Variants in RNF187 observed in about 807,000 individuals in gnomAD.
RNF187 encodes E3 ubiquitin-protein ligase RNF187.
RNF187 carries 18 observed loss-of-function variants against 22.2 expected under a neutral mutation model. The ratio of observed to expected loss-of-function variants is 0.81; its 90% CI spans 0.56 to 1.20. The LOEUF is 1.20. Among genes scored for constraint, RNF187 ranks in the 50% most tolerant of loss-of-function variants. The pLI, the probability that RNF187 is intolerant of heterozygous loss-of-function variation, is 0.00. For missense variants in RNF187, 329 were observed against 317.6 expected (o/e 1.04, Z -0.27); for synonymous variants, 164 against 140.9 (o/e 1.16, Z -1.16).
At chr1:228,489,385 A>G in intron 2 of RNF187, among the ~76,000 whole-genome samples, 1 of 151,866 alleles carries the variant, frequency 6.6e-6, no homozygotes, top group Non-Finnish European at 1.5e-5. Flanking sequence ...ATTGTAGCTC[A>G]CTGCAGCTCG....
chr1:228,493,771 C>T lies in RNF187; in HGVS notation c.706-112C>T. 2.3e-5 allele frequency: 26 copies of T among 1,151,694 alleles called. No individual in the cohort carries two copies. Among genetic ancestry groups the T allele is most frequent in the Middle Eastern group, 3.8e-4 (2 of 5,214 alleles). The allele number at this position is 1,151,694 out of a possible 1,614,324, so 71.3% of individuals were successfully genotyped here. A position where few individuals can be genotyped will look rare whatever the true frequency, so the allele number is the denominator to read the frequency against. The stretch of plus-strand genomic sequence containing the variant: ...GTTGTGCTCAGGACAGTACCTCATG[C>T]GCTGTCTCATGTGCGCTCTCTCTTT... On this transcript the variant is annotated intron_variant, in intron 3 of 3. Coordinates refer to ENST00000305943, the MANE Select transcript of RNF187 (RefSeq NM_001010858.3). This position sits in a 1 kb window ranked among gnomAD's most constrained non-coding sequence, Gnocchi z 4.7.
chr1:228,491,405 A>AAAT lies in RNF187; in HGVS notation c.484-1646_484-1645insTAA. Among the ~76,000 whole-genome samples, 959 of 150,076 alleles carry AAAT rather than the reference A, an allele frequency of 6.4e-3. 4 individuals are homozygous for AAAT. The highest frequency in any genetic ancestry group is 0.023 in the African/African-American group (918 of 40,550). ...CCTATCTCAAAAAAAAAAAAAAAAAAAAAATAAAGGGAGATGGGTTAATGG... is the reference window on the plus strand; with the variant it reads ...CCTATCTCAAAAAAAAAAAAAAAAAAAATAAAATAAAGGGAGATGGGTTAATGG... On this transcript the variant is annotated intron_variant, in intron 2 of 3. Transcript: ENST00000305943.
Position 228,493,546 on chromosome 1 carries a change from C to G in RNF187, c.705+272C>G. On this transcript the variant is annotated intron_variant, in intron 3 of 3. Coordinates refer to ENST00000305943, the MANE Select transcript of RNF187 (RefSeq NM_001010858.3). This position sits in a 1 kb window ranked among gnomAD's most constrained non-coding sequence, Gnocchi z 4.7. ...GTGCCCGAGCATGGAAGGCTCCTGC[C>G]TCGCCCTGGGGTCCTGAAGGCAGAA... is the stretch of plus-strand genomic sequence containing the variant. Among the ~76,000 whole-genome samples the G allele has an allele frequency of 6.6e-6, 1 of 152,344 alleles. No individual in the cohort carries two copies. Among genetic ancestry groups the G allele is most frequent in the East Asian group, 1.9e-4 (1 of 5,180 alleles).
Position 228,496,116 on chromosome 1 carries a change from A to C in RNF187, c.*2231A>C. Among the ~76,000 whole-genome samples, 1 of 152,174 alleles carries C rather than the reference A, an allele frequency of 6.6e-6. No homozygotes were observed. Among genetic ancestry groups the C allele is most frequent in the Non-Finnish European group, 1.5e-5 (1 of 68,028 alleles). Reference sequence around the variant, plus strand: ...GTACCCTCTGACTAGAATTTCCCCAAATCCTCTTGTCTCAGCCCCTGCTAA... The same window carrying C: ...GTACCCTCTGACTAGAATTTCCCCACATCCTCTTGTCTCAGCCCCTGCTAA... On this transcript the variant is annotated 3_prime_UTR_variant, in exon 4 of 4. Transcript: ENST00000305943.
In RNF187 at chr1:228,493,350, T is replaced by C; in HGVS notation, c.705+76T>C. The stretch of plus-strand genomic sequence containing the variant: ...GCAGCAGCGAGCCATTGGGGGACCA[T>C]TGCCCGAAGTCAAGGCTTAAAAGCC... On this transcript the variant is annotated intron_variant, in intron 3 of 3. Transcript: ENST00000305943. The surrounding 1 kb of genome is among the most constrained non-coding windows in gnomAD (Gnocchi z 4.7). 19 of 1,488,866 alleles carry C rather than the reference T, an allele frequency of 1.3e-5. No homozygotes were observed. Among genetic ancestry groups the C allele is most frequent in the Non-Finnish European group, 9.9e-6 (11 of 1,114,096 alleles). 92.2% of individuals were successfully genotyped at this position (1,488,866 alleles called of 1,614,324 possible). A position where few individuals can be genotyped will look rare whatever the true frequency, so the allele number is the denominator to read the frequency against.
In RNF187 at chr1:228,487,656, C is replaced by A. The variant is rs1198811841; in HGVS notation, c.168C>A (p.Cys56Ter). The A allele has an allele frequency of 4.3e-6, 5 of 1,154,936 alleles. No individual in the cohort carries two copies. Among genetic ancestry groups the A allele is most frequent in the Non-Finnish European group, 5.4e-6 (5 of 930,966 alleles). The allele number at this position is 1,154,936 out of a possible 1,614,324, so 71.5% of individuals were successfully genotyped here. A position where few individuals can be genotyped will look rare whatever the true frequency, so the allele number is the denominator to read the frequency against. ...CGTGCCCCGAGTGCGCCGACGACTG[C>A]TGGCAGCGCGCCGTGGAGCCCGGCA... Residue 56 changes from cysteine (C) to a stop codon, truncating the protein, a stop_gained, in exon 1 of 4, where the codon TGC becomes TGA. Coordinates refer to ENST00000305943, the MANE Select transcript of RNF187 (RefSeq NM_001010858.3). LOFTEE classifies it high-confidence loss of function.
chr1:228,494,933 G>A lies in RNF187; in HGVS notation c.*1048G>A. Reference sequence around the variant, plus strand: ...TGTGAGTTTGACCTGCCCAGCGTGTGGGCTGGCTCAATGCTGAATAAAGTG... The same window carrying A: ...TGTGAGTTTGACCTGCCCAGCGTGTAGGCTGGCTCAATGCTGAATAAAGTG... On this transcript the variant is annotated 3_prime_UTR_variant, in exon 4 of 4. Coordinates refer to ENST00000305943, the MANE Select transcript of RNF187 (RefSeq NM_001010858.3). 3.0e-6 allele frequency: 3 copies of A among 985,530 alleles called. No individual in the cohort carries two copies. The highest frequency in any genetic ancestry group is 3.6e-6 in the Non-Finnish European group (3 of 829,994). 61.0% of individuals were successfully genotyped at this position (985,530 alleles called of 1,614,324 possible). A position where few individuals can be genotyped will look rare whatever the true frequency, so the allele number is the denominator to read the frequency against.
At chr1:228,490,766 G>C in intron 2 of RNF187, among the ~76,000 whole-genome samples, 1 of 152,228 alleles carries the variant, frequency 6.6e-6, no homozygotes, top group Non-Finnish European at 1.5e-5. Flanking sequence ...GCAAGGTTAG[G>C]AGTTGGCTGA....
In RNF187 at chr1:228,493,148, T is replaced by G. The variant is rs1659009166; in HGVS notation, c.579T>G (p.Ala193=). ...AGGAGGAGCATTTCCTGCAGGAGGC[T>G]GAGAAGGAGGAGGGGCTCCCTGAGG... is the stretch of plus-strand genomic sequence containing the variant. Residue 193 remains alanine (A), a synonymous_variant, in exon 3 of 4, where the codon GCT becomes GCG. Transcript: ENST00000305943. This position sits in a 1 kb window ranked among gnomAD's most constrained non-coding sequence, Gnocchi z 4.7. 7 of 1,551,574 alleles carry G rather than the reference T, an allele frequency of 4.5e-6. No homozygotes were observed. The highest frequency in any genetic ancestry group is 6.1e-6 in the Non-Finnish European group (7 of 1,146,976).
At chr1:228,487,950 C>T in intron 1 of RNF187, 72 bp downstream of exon 1, 1 of 962,354 alleles carries the variant, frequency 1.0e-6, no homozygotes, top group Non-Finnish European at 1.3e-6. Flanking sequence ...CCCGGTCCCC[C>T]TGAGCCCTGG....
At position 228,495,170 on chromosome 1, in the gene RNF187, G is replaced by C; in HGVS notation, c.*1285G>C. On this transcript the variant is annotated 3_prime_UTR_variant, in exon 4 of 4. Coordinates refer to ENST00000305943, the MANE Select transcript of RNF187 (RefSeq NM_001010858.3). ...CTCCACCCCGACGTAGCAGGGCAGG[G>C]GTTGGAGGAGCGAGGAGCAGTATAG... The C allele has an allele frequency of 2.4e-6, 1 of 416,330 alleles. No homozygotes were observed. Among genetic ancestry groups the C allele is most frequent in the African/African-American group, 2.2e-5 (1 of 46,474 alleles). 25.8% of individuals were successfully genotyped at this position (416,330 alleles called of 1,614,324 possible). A position where few individuals can be genotyped will look rare whatever the true frequency, so the allele number is the denominator to read the frequency against.
chr1:228,491,406 A>T lies in RNF187; in HGVS notation c.484-1647A>T. On this transcript the variant is annotated intron_variant, in intron 2 of 3. Transcript: ENST00000305943. ...CTATCTCAAAAAAAAAAAAAAAAAAAAAATAAAGGGAGATGGGTTAATGGG... is the reference window on the plus strand; with the variant it reads ...CTATCTCAAAAAAAAAAAAAAAAAATAAATAAAGGGAGATGGGTTAATGGG... 1.4e-4 allele frequency among the ~76,000 whole-genome samples: 21 copies of T among 149,342 alleles called. 1 individual carries two copies. The highest frequency in any genetic ancestry group is 4.2e-4 in the South Asian group (2 of 4,728).
At position 228,495,282 on chromosome 1, in the gene RNF187, A is replaced by G; in HGVS notation, c.*1397A>G. On this transcript the variant is annotated 3_prime_UTR_variant, in exon 4 of 4. Transcript: ENST00000305943. ...ACCTCACAGAGTCCTTGCTGCAGGCAGGCAGGGCGATCAGACATTGGCTGC... is the reference window on the plus strand; with the variant it reads ...ACCTCACAGAGTCCTTGCTGCAGGCGGGCAGGGCGATCAGACATTGGCTGC... 4 of 233,926 alleles carry G rather than the reference A, an allele frequency of 1.7e-5. No homozygotes were observed. The highest frequency in any genetic ancestry group is 2.8e-5 in the Non-Finnish European group (4 of 143,046). The allele number at this position is 233,926 out of a possible 1,614,324, so 14.5% of individuals were successfully genotyped here.
rs1458502871 is a variant in RNF187, at chr1:228,487,631, C to G, written c.143C>G (p.Pro48Arg). The G allele has an allele frequency of 8.3e-7, 1 of 1,207,968 alleles. No homozygotes were observed. The highest frequency in any genetic ancestry group is 1.0e-6 in the Non-Finnish European group (1 of 958,918). The allele number at this position is 1,207,968 out of a possible 1,614,324, so 74.8% of individuals were successfully genotyped here. Residue 48 changes from proline to arginine, a missense_variant, in exon 1 of 4, where the codon CCG (proline) becomes CGG (arginine). Coordinates refer to ENST00000305943, the MANE Select transcript of RNF187 (RefSeq NM_001010858.3). ...TGGGCCGAGGAGGACGGGCCCTTCC[C>G]GTGCCCCGAGTGCGCCGACGACTGC...
At chr1:228,488,861 G>T in intron 1 of RNF187, 99 bp from the exon 2 acceptor site, 13 of 946,500 alleles carry the variant, frequency 1.4e-5, no homozygotes, top group African/African-American at 3.3e-5. Context: ...GGGATGGTCA[G>T]ACTGTGTGCA....
At chr1:228,492,429 C>G in intron 2 of RNF187, among the ~76,000 whole-genome samples, 1 of 150,454 alleles carries the variant, frequency 6.6e-6, no homozygotes, top group Admixed American at 6.6e-5. Context: ...TCAAGCGATT[C>G]TCCTGCTTCA....
intron 1 of RNF187, chr1:228,488,370 TC>T: frequency 6.4e-6 from 1 of 155,172 alleles, no homozygotes; most frequent in Non-Finnish European, 1.4e-5. Context: ...TCTCGTCTGC[TC>T]CCCGGGCCAC....
In RNF187 at chr1:228,493,781, T is replaced by A; in HGVS notation, c.706-102T>A. 1 of 1,261,518 alleles carries A rather than the reference T, an allele frequency of 7.9e-7. No individual in the cohort carries two copies. The allele number at this position is 1,261,518 out of a possible 1,614,324, so 78.1% of individuals were successfully genotyped here. ...GGACAGTACCTCATGCGCTGTCTCA[T>A]GTGCGCTCTCTCTTTCGCTCTCTCC... is the stretch of plus-strand genomic sequence containing the variant. On this transcript the variant is annotated intron_variant, in intron 3 of 3. Transcript: ENST00000305943. The surrounding 1 kb of genome is among the most constrained non-coding windows in gnomAD (Gnocchi z 4.7).
chr1:228,493,800 T>G lies in RNF187; in HGVS notation c.706-83T>G. The G allele has an allele frequency of 3.5e-6, 5 of 1,431,172 alleles. No homozygotes were observed. Among genetic ancestry groups the G allele is most frequent in the South Asian group, 2.4e-5 (2 of 81,760 alleles). 88.7% of individuals were successfully genotyped at this position (1,431,172 alleles called of 1,614,324 possible). A position where few individuals can be genotyped will look rare whatever the true frequency, so the allele number is the denominator to read the frequency against. ...GTCTCATGTGCGCTCTCTCTTTCGC[T>G]CTCTCCTTTTGCCTCTGTCTCTGAC... On this transcript the variant is annotated intron_variant, in intron 3 of 3. Coordinates refer to ENST00000305943, the MANE Select transcript of RNF187 (RefSeq NM_001010858.3). This position sits in a 1 kb window ranked among gnomAD's most constrained non-coding sequence, Gnocchi z 4.7.
Sources: gnomAD v4.1 joint callset for allele counts (sites outside exome capture counted in the v4.1 genomes callset) on GRCh38, gnomAD v4.1.1 for gene constraint, Gnocchi (gnomAD v3.1) non-coding constraint, MANE v1.5 for transcripts, NCBI Gene and HGNC (gene_info 2026-07-23, HGNC 2026-07-21) for gene names.